Variants in NBPF11 observed in about 807,000 individuals in gnomAD.
NBPF11 encodes NBPF family member NBPF11.
In NBPF11, 72 loss-of-function variants were observed where a neutral mutation model predicts 93.9. The ratio of observed to expected loss-of-function variants is 0.77; its 90% confidence interval spans 0.63 to 0.93. The LOEUF is 0.93. Ranked by LOEUF, NBPF11 falls within the 40% of genes least tolerant of loss-of-function variation. The probability of loss-of-function intolerance (pLI) is 0.00; values close to 1 mark genes in which losing one functional copy is unlikely to be tolerated. For missense variants in NBPF11, 705 were observed against 802.2 expected (o/e 0.88, Z 1.46); for synonymous variants, 224 against 304.9 (o/e 0.73, Z 2.76).
At chr1:148,136,487 G>A (rs1377751028) in intron 3 of NBPF11, among the ~76,000 whole-genome samples, 3 of 150,432 alleles carry the variant, frequency 2.0e-5, no homozygotes, top group Non-Finnish European at 4.4e-5. Flanking sequence ...AACATTTTGA[G>A]TGCAATAGGA....
chr1:148,108,664 T>C lies in NBPF11; in HGVS notation c.1854-10A>G, dbSNP rs1664418967. 2 of 940,432 alleles carry C rather than the reference T, an allele frequency of 2.1e-6. No individual in the cohort carries two copies. Among genetic ancestry groups the C allele is most frequent in the Non-Finnish European group, 3.5e-6 (2 of 568,594 alleles). The allele number at this position is 940,432 out of a possible 1,614,324, so 58.3% of individuals were successfully genotyped here. Reference sequence around the variant, plus strand: ...CAGCTCCCTGCTGAGCCTGGAAAAGTGGGAAAAAGTAAAGAATAAGCCAGG... The same window carrying C: ...CAGCTCCCTGCTGAGCCTGGAAAAGCGGGAAAAAGTAAAGAATAAGCCAGG... On this transcript the variant is annotated splice_polypyrimidine_tract_variant and intron_variant, in intron 17 of 23. Transcript: ENST00000682118.
At position 148,151,983 on chromosome 1, in the gene NBPF11, G is replaced by C. The variant is rs1648491017; in HGVS notation, c.-782C>G. 6.6e-6 allele frequency: 1 copy of C among 152,264 alleles called. No homozygotes were observed. The highest frequency in any genetic ancestry group is 2.4e-5 in the African/African-American group (1 of 41,288). 9.4% of individuals were successfully genotyped at this position (152,264 alleles called of 1,614,324 possible). The stretch of plus-strand genomic sequence containing the variant: ...TTGCTTGCGGCCCGCTGGCTCCTCA[G>C]GGTCCGGATGGGCCGTGTCAGGAGA... On this transcript the variant is annotated 5_prime_UTR_variant, in exon 1 of 24. Coordinates refer to ENST00000682118, the MANE Select transcript of NBPF11 (RefSeq NM_001385469.3).
At chr1:148,129,653 G>A (rs1553274022) in intron 4 of NBPF11, 1 of 176,124 alleles carries the variant, frequency 5.7e-6, no homozygotes, top group Non-Finnish European at 1.3e-5. Flanking sequence ...GTCAAGCTTT[G>A]TCATGAATGG....
At chr1:148,134,088 C>A (rs1458715767) in intron 4 of NBPF11, among the ~76,000 whole-genome samples, 1 of 152,042 alleles carries the variant, frequency 6.6e-6, no homozygotes, top group Non-Finnish European at 1.5e-5. Context: ...CCGCCATGAC[C>A]TCCAGCCTGT....
chr1:148,132,233 ACAT>A (rs1247143425), intron 4 of NBPF11, among the ~76,000 whole-genome samples: 2 of 104,614 alleles, frequency 1.9e-5, no homozygotes, highest in Non-Finnish European at 2.0e-5. Context: ...ACACACACAC[ACAT>A]GTTTGTGTGT....
chr1:148,109,181 C>T (rs61812004), intron 17 of NBPF11, 103 bp downstream of exon 17: 121,592 of 925,774 alleles, frequency 0.13, 9,011 homozygotes, highest in East Asian at 0.29. Context: ...TCAGACTTGT[C>T]TGACAAGACA....
chr1:148,146,694 C>A lies in NBPF11; in HGVS notation c.-548-3008G>T, dbSNP rs1673164126. 4 of 1,611,808 alleles carry A rather than the reference C, an allele frequency of 2.5e-6. No individual in the cohort carries two copies. In the African/African-American group the frequency reaches 5.4e-5, roughly 22 times the overall value. On this transcript the variant is annotated intron_variant, in intron 1 of 23. Transcript: ENST00000682118. The stretch of plus-strand genomic sequence containing the variant: ...AGAGCGCCCGCGGCAACCGTGTCTC[C>A]TGCATGTATGTTCGCTGCGTGCCTG...
At chr1:148,146,921 G>T in intron 1 of NBPF11, 1 of 1,608,900 alleles carries the variant, frequency 6.2e-7, no homozygotes, top group Non-Finnish European at 8.5e-7. Context: ...CTGCGCACCA[G>T]GTGAGGGCGA....
At chr1:148,112,237 T>G (rs1232705858) in intron 15 of NBPF11, among the ~76,000 whole-genome samples, 2 of 147,264 alleles carry the variant, frequency 1.4e-5, no homozygotes, top group African/African-American at 2.6e-5. Flanking sequence ...ATGTCCACAT[T>G]GGTGTGCTTC....
chr1:148,146,262 T>C, intron 1 of NBPF11: 2 of 1,221,552 alleles, frequency 1.6e-6, no homozygotes, highest in South Asian at 1.9e-5. Context: ...GGCTGCTGTC[T>C]GGGGCGGTAG....
intron 13 of NBPF11, among the ~76,000 whole-genome samples, 200 bp downstream of exon 13, chr1:148,116,263 T>C (rs1666513766): frequency 6.6e-6 from 1 of 152,054 alleles, no homozygotes; most frequent in African/African-American, 2.4e-5. Flanking sequence ...GCTATCCCTG[T>C]ACGGTGCAGA....
Position 148,135,558 on chromosome 1 carries a change from A to G in NBPF11, c.-36+114T>C. ...CATCATCATTTAAAGTGATATGAAG[A>G]AAACTCAGCTAAGCATATGGGCTAG... On this transcript the variant is annotated intron_variant, in intron 4 of 23. Transcript: ENST00000682118. 9 of 489,484 alleles carry G rather than the reference A, an allele frequency of 1.8e-5. No homozygotes were observed. In the South Asian group the frequency reaches 2.1e-4, roughly 11 times the overall value. The allele number at this position is 489,484 out of a possible 1,614,324, so 30.3% of individuals were successfully genotyped here. A position where few individuals can be genotyped will look rare whatever the true frequency, so the allele number is the denominator to read the frequency against.
chr1:148,142,223 G>A (rs1334893675), intron 2 of NBPF11, among the ~76,000 whole-genome samples: 2 of 151,702 alleles, frequency 1.3e-5, no homozygotes, highest in East Asian at 3.9e-4. Context: ...GAACATCCAG[G>A]GGAACTTACA....
intron 1 of NBPF11, among the ~76,000 whole-genome samples, chr1:148,145,468 C>T (rs1432906306): frequency 1.4e-5 from 2 of 142,720 alleles, no homozygotes; most frequent in Non-Finnish European, 3.1e-5. Flanking sequence ...CCTAGGCCTC[C>T]CACAGTGCTG....
chr1:148,146,883 T>C lies in NBPF11; in HGVS notation c.-548-3197A>G. On this transcript the variant is annotated intron_variant, in intron 1 of 23. Coordinates refer to ENST00000682118, the MANE Select transcript of NBPF11 (RefSeq NM_001385469.3). The stretch of plus-strand genomic sequence containing the variant: ...GCAGGCCTTCCGAGAGGAACCTCTA[T>C]GCCGACATCGACGCCACCTGGCAGG... The C allele has an allele frequency of 2.5e-6, 4 of 1,613,528 alleles. No homozygotes were observed. The African/African-American group carries it at 4.0e-5, about 16-fold the overall frequency.
Position 148,130,728 on chromosome 1 carries a change from G to T in NBPF11, c.-35-3690C>A, listed in dbSNP as rs2149263717. On this transcript the variant is annotated intron_variant, in intron 4 of 23. Coordinates refer to ENST00000682118, the MANE Select transcript of NBPF11 (RefSeq NM_001385469.3). ...ACGTTTACAAATGGATGCACTAACG[G>T]AACTACTGCCACAACCAAGATAGAG... 4.0e-5 allele frequency among the ~76,000 whole-genome samples: 6 copies of T among 151,804 alleles called. 1 individual carries two copies. Among genetic ancestry groups the T allele is most frequent in the Admixed American group, 3.9e-4 (6 of 15,252 alleles).
chr1:148,140,318 C>G (rs1416078509), intron 2 of NBPF11, among the ~76,000 whole-genome samples: 2 of 151,546 alleles, frequency 1.3e-5, no homozygotes, highest in African/African-American at 4.9e-5. Context: ...CATAAGAATC[C>G]TAGGAGATAA....
chr1:148,142,609 C>T (rs57956124), intron 2 of NBPF11, among the ~76,000 whole-genome samples: 5 of 152,002 alleles, frequency 3.3e-5, no homozygotes, highest in Admixed American at 6.5e-5. Context: ...TGGGCAGCCA[C>T]GTGAGAAGGA....
intron 1 of NBPF11, among the ~76,000 whole-genome samples, chr1:148,147,682 A>C (rs1326283618): frequency 6.6e-6 from 1 of 151,936 alleles, no homozygotes; most frequent in Non-Finnish European, 1.5e-5. Context: ...CAGAGGCCCT[A>C]GGGAGGTGGG....
Sources: allele counts gnomAD v4.1 joint callset (sites outside exome capture counted in the v4.1 genomes callset), GRCh38; gene constraint gnomAD v4.1.1; transcripts MANE v1.5; gene names NCBI Gene and HGNC (gene_info 2026-07-23, HGNC 2026-07-21).